ZNF385D: variants seen among roughly 807,000 people sequenced by gnomAD.
ZNF385D encodes zinc finger protein 659.
A neutral mutation model predicts 35.8 loss-of-function variants in ZNF385D; 15 were observed. The ratio of observed to expected loss-of-function variants is 0.42; its 90% CI spans 0.28 to 0.64. ZNF385D has a LOEUF of 0.64. Ranked by LOEUF, ZNF385D falls within the 30% of genes least tolerant of loss-of-function variation. The pLI is 0.23. For synonymous variants in ZNF385D, 212 were observed against 186.8 expected, an observed-to-expected ratio of 1.13 and a Z score of -1.10; for missense variants, 474 against 494.6, an observed-to-expected ratio of 0.96 and a Z score of 0.39.
chr3:21,986,547 T>C (rs1325185679), intron 3 of ZNF385D, among the ~76,000 whole-genome samples: 2 of 146,230 alleles, frequency 1.4e-5, no homozygotes, highest in East Asian at 1.9e-4. Flanking sequence ...TTGTTATAAT[T>C]TCTGTTCTTT....
chr3:22,300,348 C>A (rs1335374117), intron 2 of ZNF385D, among the ~76,000 whole-genome samples: 16 of 150,176 alleles, frequency 1.1e-4, no homozygotes, highest in Admixed American at 9.3e-4. Flanking sequence ...TAGAAGAAAA[C>A]AGGGGTACAA....
chr3:22,078,289 A>G (rs559859467), intron 3 of ZNF385D, among the ~76,000 whole-genome samples: 1 of 152,170 alleles, frequency 6.6e-6, no homozygotes, highest in African/African-American at 2.4e-5. Flanking sequence ...TATGTTGACA[A>G]ATTAAACGCT....
upstream of ZNF385D, among the ~76,000 whole-genome samples, chr3:21,755,449 A>G (rs1358252044): frequency 1.3e-5 from 2 of 152,202 alleles, no homozygotes; most frequent in South Asian, 2.1e-4. Context: ...TGTGAAACCT[A>G]AAGTATGGCT....
chr3:21,937,377 T>C (rs1701313257), intron 3 of ZNF385D, among the ~76,000 whole-genome samples: 1 of 152,162 alleles, frequency 6.6e-6, no homozygotes, highest in African/African-American at 2.4e-5. Context: ...ACTTTTACAG[T>C]TATTTGCCCC....
At chr3:21,480,647 C>T (rs563635015) in intron 4 of ZNF385D, among the ~76,000 whole-genome samples, 8 of 152,080 alleles carry the variant, frequency 5.3e-5, no homozygotes, top group African/African-American at 9.7e-5. Flanking sequence ...CACTAAAATG[C>T]GTAACACATA....
At chr3:21,480,884 G>A (rs1257012448) in intron 4 of ZNF385D, among the ~76,000 whole-genome samples, 2 of 152,148 alleles carry the variant, frequency 1.3e-5, no homozygotes, top group Non-Finnish European at 2.9e-5. Context: ...AACAGCATCA[G>A]TAACTGTCAT....
chr3:22,008,050 T>A (rs1256063405), intron 3 of ZNF385D, among the ~76,000 whole-genome samples: 1 of 152,028 alleles, frequency 6.6e-6, no homozygotes, highest in African/African-American at 2.4e-5. Context: ...GAACTTTATT[T>A]TTCCAGAGTT....
chr3:22,007,113 C>T (rs991217954), intron 3 of ZNF385D, among the ~76,000 whole-genome samples: 5 of 151,986 alleles, frequency 3.3e-5, no homozygotes, highest in Non-Finnish European at 1.5e-5. Flanking sequence ...AAATCTACAC[C>T]AAAAAGTATT....
intron 2 of ZNF385D, among the ~76,000 whole-genome samples, chr3:22,368,954 A>G (rs1696781656): frequency 6.6e-6 from 1 of 152,194 alleles, no homozygotes; most frequent in African/African-American, 2.4e-5. Context: ...CAAAATATAA[A>G]TTACACTGGC....
chr3:21,699,720 T>G (rs909808626), intron 1 of ZNF385D, among the ~76,000 whole-genome samples: 13 of 152,004 alleles, frequency 8.6e-5, no homozygotes, highest in African/African-American at 3.1e-4. Flanking sequence ...AAATACATTA[T>G]TTAAATTAAT....
At chr3:21,918,945 A>C (rs1348775400) in intron 3 of ZNF385D, among the ~76,000 whole-genome samples, 1 of 152,176 alleles carries the variant, frequency 6.6e-6, no homozygotes, top group African/African-American at 2.4e-5. Context: ...CCAACTTCTA[A>C]GAGAAAATAT....
rs554624697 is a variant in ZNF385D at position 22,047,647 on chromosome 3, T to C, written c.325+121170A>G. Among the ~76,000 whole-genome samples the C allele has an allele frequency of 1.1e-4, 16 of 152,270 alleles. 1 individual carries two copies. In the South Asian group the frequency reaches 2.1e-3, roughly 20 times the overall value. On this transcript the variant is annotated intron_variant, in intron 3 of 5. Transcript: ENST00000494108. ...ACACATTTTCTTTATTCATTCATCA[T>C]TGGTGGATATGTAGGTTGATTTCGT...
chr3:21,848,450 A>C (rs1235129256), intron 3 of ZNF385D, among the ~76,000 whole-genome samples: 1 of 151,274 alleles, frequency 6.6e-6, no homozygotes, highest in Non-Finnish European at 1.5e-5. Context: ...ACAAATATAT[A>C]AATAAAATTG....
At chr3:21,703,619 G>T (rs959239935) in intron 1 of ZNF385D, among the ~76,000 whole-genome samples, 4 of 151,400 alleles carry the variant, frequency 2.6e-5, no homozygotes, top group Non-Finnish European at 1.5e-5. Flanking sequence ...TAAAAAAGCA[G>T]TTACTGCAAC....
intron 3 of ZNF385D, among the ~76,000 whole-genome samples, chr3:21,765,774 AAGAC>A (rs1164472442): frequency 2.0e-5 from 3 of 150,950 alleles, no homozygotes; most frequent in South Asian, 2.1e-4. Context: ...TCTGGAGAGA[AAGAC>A]AGAAAGGAAC....
chr3:21,622,003 C>T (rs936981622), intron 2 of ZNF385D, among the ~76,000 whole-genome samples: 3 of 151,900 alleles, frequency 2.0e-5, no homozygotes, highest in East Asian at 1.9e-4. Flanking sequence ...ATTTCCTTAG[C>T]GAGGAACATG....
At position 22,008,360 on chromosome 3, in the gene ZNF385D, C is replaced by CT. The variant is rs67145956; in HGVS notation, c.325+160456dup. ...TCACTTTCATACAGGCCATGATTTT[C>CT]TTTTTTTTTTTTGAGGCGGAGTCTC... is the stretch of plus-strand genomic sequence containing the variant. On this transcript the variant is annotated intron_variant, in intron 3 of 5. Coordinates refer to the ZNF385D transcript ENST00000494108. Among the ~76,000 whole-genome samples, 94 of 131,928 alleles carry CT rather than the reference C, an allele frequency of 7.1e-4. 2 individuals carry two copies. Among genetic ancestry groups the CT allele is most frequent in the East Asian group, 2.1e-3 (10 of 4,776 alleles). The allele number at this position is 131,928 out of a possible 152,430, so 86.5% of individuals were successfully genotyped here.
At chr3:22,172,648 T>C (rs1300819956) in intron 2 of ZNF385D, among the ~76,000 whole-genome samples, 1 of 151,986 alleles carries the variant, frequency 6.6e-6, no homozygotes, top group South Asian at 2.1e-4. Context: ...GAATCAAAAG[T>C]TGTAGACACA....
At chr3:21,919,020 A>G (rs540513463) in intron 3 of ZNF385D, among the ~76,000 whole-genome samples, 3 of 152,352 alleles carry the variant, frequency 2.0e-5, no homozygotes, top group African/African-American at 7.2e-5. Context: ...ACTTGCTATC[A>G]GATTGTTTCA....
Sources: allele counts gnomAD v4.1 joint callset (sites outside exome capture counted in the v4.1 genomes callset), GRCh38; gene constraint gnomAD v4.1.1; transcripts MANE v1.5; gene names NCBI Gene and HGNC (gene_info 2026-07-23, HGNC 2026-07-21).